Variants in NKAIN2 observed in about 807,000 individuals in gnomAD.
NKAIN2 encodes the protein sodium/potassium transporting ATPase interacting 2.
NKAIN2 carries 14 observed loss-of-function variants against 32.6 expected under a neutral mutation model. The observed-to-expected ratio is 0.43, with a 90% CI of 0.28 to 0.67. The LOEUF is 0.67. NKAIN2 is among the 30% of genes least tolerant of loss of function. The pLI is 0.17. For synonymous variants in NKAIN2, 80 were observed against 87.2 expected, an observed-to-expected ratio of 0.92 and a Z score of 0.46; for missense variants, 198 against 258.3, an observed-to-expected ratio of 0.77 and a Z score of 1.60.
chr6:124,411,064 C>T (rs1418122454), intron 3 of NKAIN2, among the ~76,000 whole-genome samples: 2 of 149,314 alleles, frequency 1.3e-5, no homozygotes, highest in Non-Finnish European at 3.0e-5. Flanking sequence ...TTATTTTGAG[C>T]CTATGTGTGT....
At chr6:123,942,346 G>C (rs1463767297) in intron 1 of NKAIN2, among the ~76,000 whole-genome samples, 3 of 151,920 alleles carry the variant, frequency 2.0e-5, no homozygotes, top group Non-Finnish European at 4.4e-5. Context: ...GAGTTAAAGA[G>C]TTTTCCTGCT....
chr6:124,094,560 A>T (rs1054290433), intron 1 of NKAIN2, among the ~76,000 whole-genome samples: 1 of 152,140 alleles, frequency 6.6e-6, no homozygotes, highest in Non-Finnish European at 1.5e-5. Context: ...AAGATCAGAG[A>T]TCAGTAATTT....
chr6:123,889,879 C>T (rs1027253282), intron 1 of NKAIN2, among the ~76,000 whole-genome samples: 9 of 151,924 alleles, frequency 5.9e-5, no homozygotes, highest in African/African-American at 9.7e-5. Context: ...AATCAGTGGT[C>T]GAAATATTTT....
intron 3 of NKAIN2, among the ~76,000 whole-genome samples, chr6:124,593,074 TAAAC>T (rs1383890492): frequency 6.6e-6 from 1 of 152,174 alleles, no homozygotes; most frequent in African/African-American, 2.4e-5. Flanking sequence ...GTTTCAATTG[TAAAC>T]AAACACTTGT....
At chr6:124,245,080 T>C (rs1049555210) in intron 1 of NKAIN2, among the ~76,000 whole-genome samples, 6 of 152,086 alleles carry the variant, frequency 3.9e-5, no homozygotes, top group African/African-American at 1.4e-4. Context: ...CTGGTGCATT[T>C]TTAGTTTGGG....
intron 4 of NKAIN2, among the ~76,000 whole-genome samples, chr6:124,712,810 G>A (rs1196736757): frequency 2.0e-5 from 3 of 151,758 alleles, no homozygotes; most frequent in East Asian, 1.9e-4. Context: ...GTTCCTATTC[G>A]GCCATCTTGG....
intron 1 of NKAIN2, among the ~76,000 whole-genome samples, chr6:124,047,492 G>C (rs1033159222): frequency 3.3e-5 from 5 of 151,802 alleles, no homozygotes; most frequent in Admixed American, 1.3e-4. Flanking sequence ...TCTTAATGAG[G>C]TAAGAATGTT....
chr6:124,768,733 A>G (rs573349181), intron 4 of NKAIN2, among the ~76,000 whole-genome samples: 37 of 150,760 alleles, frequency 2.5e-4, no homozygotes, highest in African/African-American at 7.6e-4. Flanking sequence ...TACCTGGGGG[A>G]AAAAAAAACA....
chr6:124,603,374 A>C lies in NKAIN2; in HGVS notation c.274-54812A>C, dbSNP rs565052857. ...TGATATTCAGCTTTGATACTAATATAGTATTCCTTAAATTCCTGCATTTCT... is the reference window on the plus strand; with the variant it reads ...TGATATTCAGCTTTGATACTAATATCGTATTCCTTAAATTCCTGCATTTCT... On this transcript the variant is annotated intron_variant, in intron 3 of 6. Transcript: ENST00000368417. 5.3e-5 allele frequency among the ~76,000 whole-genome samples: 8 copies of C among 152,126 alleles called. No homozygotes were observed. In the South Asian group the frequency reaches 1.7e-3, roughly 32 times the overall value.
In NKAIN2 at chr6:124,670,645, CTGTG is replaced by C. The variant is rs57300688; in HGVS notation, c.474+12291_474+12294del. On this transcript the variant is annotated intron_variant, in intron 4 of 6. Coordinates refer to ENST00000368417, the MANE Select transcript of NKAIN2 (RefSeq NM_001040214.3). Reference sequence around the variant, plus strand: ...TTTACCTGAGATTAATCTTTGCTTTCTGTGTGTGTGTGTGTGTGTGTGTGTGTGT... The same window carrying C: ...TTTACCTGAGATTAATCTTTGCTTTCTGTGTGTGTGTGTGTGTGTGTGTGT... Among the ~76,000 whole-genome samples the C allele has an allele frequency of 8.2e-3, 1,011 of 123,890 alleles. 12 individuals carry two copies. Among genetic ancestry groups the C allele is most frequent in the African/African-American group, 0.024 (890 of 36,522 alleles). 81.3% of individuals were successfully genotyped at this position (123,890 alleles called of 152,430 possible).
intron 1 of NKAIN2, among the ~76,000 whole-genome samples, chr6:124,175,714 C>T (rs1167986014): frequency 6.6e-6 from 1 of 152,120 alleles, no homozygotes; most frequent in African/African-American, 2.4e-5. Context: ...GGATGAACCC[C>T]AAAGTCTTTA....
At chr6:124,001,622 T>C (rs1030343120) in intron 1 of NKAIN2, among the ~76,000 whole-genome samples, 3 of 151,606 alleles carry the variant, frequency 2.0e-5, no homozygotes, top group African/African-American at 7.2e-5. Flanking sequence ...GACATAGGAG[T>C]GACTACTATT....
At chr6:124,745,647 G>A (rs1021451789) in intron 4 of NKAIN2, among the ~76,000 whole-genome samples, 2 of 151,688 alleles carry the variant, frequency 1.3e-5, no homozygotes, top group Admixed American at 6.6e-5. Flanking sequence ...ACCAAATCTA[G>A]AATAATTGTA....
intron 1 of NKAIN2, among the ~76,000 whole-genome samples, chr6:123,994,874 T>A (rs549178154): frequency 2.6e-5 from 4 of 152,308 alleles, no homozygotes; most frequent in Admixed American, 2.0e-4. Flanking sequence ...TTTGGCATCA[T>A]AACAACATCC....
rs559896061 is a variant in NKAIN2, at chr6:123,953,966, G to A, written c.54+149712G>A. On this transcript the variant is annotated intron_variant, in intron 1 of 6. Coordinates refer to ENST00000368417, the MANE Select transcript of NKAIN2 (RefSeq NM_001040214.3). The stretch of plus-strand genomic sequence containing the variant: ...GCCCACTGCAGCAGCAACTACAGGT[G>A]TGGGAGTTTGCACTTAAAGTGCTTG... Among the ~76,000 whole-genome samples, 6 of 152,346 alleles carry A rather than the reference G, an allele frequency of 3.9e-5. 1 individual carries two copies. The South Asian group carries it at 8.3e-4, about 21-fold the overall frequency.
intron 3 of NKAIN2, among the ~76,000 whole-genome samples, chr6:124,472,718 TAAAAA>T (rs5879739): frequency 6.7e-6 from 1 of 148,932 alleles, no homozygotes; most frequent in Non-Finnish European, 1.5e-5. Flanking sequence ...AGTAGGCAGA[TAAAAA>T]AAAAAAAGAC....
chr6:123,975,281 T>C (rs1778509367), intron 1 of NKAIN2, among the ~76,000 whole-genome samples: 1 of 152,210 alleles, frequency 6.6e-6, no homozygotes, highest in African/African-American at 2.4e-5. Flanking sequence ...CAGGAAATTC[T>C]CAATTTTTAT....
chr6:124,673,235 G>A (rs1452158359), intron 4 of NKAIN2, among the ~76,000 whole-genome samples: 1 of 151,916 alleles, frequency 6.6e-6, no homozygotes, highest in Non-Finnish European at 1.5e-5. Flanking sequence ...TCTTTTTAAT[G>A]CTGAATAACA....
At chr6:124,712,760 T>C (rs1775564649) in intron 4 of NKAIN2, among the ~76,000 whole-genome samples, 1 of 151,906 alleles carries the variant, frequency 6.6e-6, no homozygotes, top group Non-Finnish European at 1.5e-5. Context: ...AAATCACCTG[T>C]CCTCTGCGCC....
Sources: gnomAD v4.1 joint callset for allele counts (sites outside exome capture counted in the v4.1 genomes callset) on GRCh38, gnomAD v4.1.1 for gene constraint, MANE v1.5 for transcripts, NCBI Gene and HGNC (gene_info 2026-07-23, HGNC 2026-07-21) for gene names.